The following MAGI1 variants were observed in gnomAD, a reference collection of about 807,000 sequenced individuals.
MAGI1 encodes the protein membrane-associated guanylate kinase, WW and PDZ domain-containing protein 1.
MAGI1 carries 58 observed loss-of-function variants against 139.9 expected under a neutral mutation model. That is an observed-to-expected ratio of 0.41 (90% CI 0.34 to 0.52). The LOEUF (loss-of-function observed/expected upper bound fraction) is 0.52. MAGI1 is among the 20% of genes least tolerant of loss of function. MAGI1 has a pLI of 0.12. For synonymous variants in MAGI1, 812 were observed against 737.9 expected (o/e 1.10, Z -1.63); for missense variants, 1,874 against 1,901.6 (o/e 0.99, Z 0.27).
chr3:65,577,462 C>T (rs1276861898), intron 2 of MAGI1, among the ~76,000 whole-genome samples: 1 of 152,126 alleles, frequency 6.6e-6, no homozygotes, highest in African/African-American at 2.4e-5. Context: ...AAAAATATTA[C>T]ATTAAAATAT....
At chr3:65,544,773 C>A (rs1255327048) in intron 2 of MAGI1, among the ~76,000 whole-genome samples, 1 of 151,976 alleles carries the variant, frequency 6.6e-6, no homozygotes, top group African/African-American at 2.4e-5. Context: ...GGCCAGTTCC[C>A]GAATAGCAAA....
At chr3:65,757,279 T>A (rs2036636918) in intron 1 of MAGI1, among the ~76,000 whole-genome samples, 1 of 152,168 alleles carries the variant, frequency 6.6e-6, no homozygotes, top group Non-Finnish European at 1.5e-5. Context: ...GAAAAGAGGT[T>A]TTCTGAAATT....
chr3:65,556,633 G>C (rs2080097174), intron 2 of MAGI1, among the ~76,000 whole-genome samples: 1 of 152,040 alleles, frequency 6.6e-6, no homozygotes, highest in African/African-American at 2.4e-5. Flanking sequence ...AATTTCTCCT[G>C]CCAATATTCT....
At chr3:65,731,659 A>T (rs1344688631) in intron 1 of MAGI1, among the ~76,000 whole-genome samples, 2 of 120,264 alleles carry the variant, frequency 1.7e-5, no homozygotes, top group African/African-American at 7.2e-5. Context: ...TGTCTCAAAA[A>T]ATTTAAAAAA....
At position 65,478,732 on chromosome 3, in the gene MAGI1, G is replaced by T. The variant is rs747901875; in HGVS notation, c.617C>A (p.Ala206Asp). Reference sequence around the variant, plus strand: ...AGAGCCAGACTGAAGGCTGTGCAAGGCATCCGTCGTGATCACTTTCCCACT... The same window carrying T: ...AGAGCCAGACTGAAGGCTGTGCAAGTCATCCGTCGTGATCACTTTCCCACT... ...PVSGKVITTD[A>D]LHSLQSGSKQ... is the part of the protein sequence containing the mutation. Residue 206 changes from alanine (A) to aspartate (D), a missense_variant, in exon 4 of 23, where the codon GCC becomes GAC. By Grantham distance (126) the Ala-to-Asp change is moderately radical. This residue lies in a region of MAGI1 where 648 missense variants were observed against 598.1 expected (regional missense o/e 1.08). Coordinates refer to ENST00000402939, the MANE Select transcript of MAGI1 (RefSeq NM_001033057.2). 1 of 1,614,094 alleles carries T rather than the reference G, an allele frequency of 6.2e-7. No individual in the cohort carries two copies. The highest frequency in any genetic ancestry group is 8.5e-7 in the Non-Finnish European group (1 of 1,180,008).
intron 1 of MAGI1, among the ~76,000 whole-genome samples, chr3:65,702,512 T>A (rs909475538): frequency 6.6e-6 from 1 of 152,122 alleles, no homozygotes; most frequent in African/African-American, 2.4e-5. Context: ...TATTAACTAG[T>A]CTTGCTAGCC....
chr3:65,394,344 AC>A (rs1944212587), intron 13 of MAGI1, among the ~76,000 whole-genome samples: 1 of 152,206 alleles, frequency 6.6e-6, no homozygotes, highest in Non-Finnish European at 1.5e-5. Flanking sequence ...TCTCGGTCAA[AC>A]TGCACCTCTG....
At chr3:65,845,608 C>A (rs2058965259) in intron 1 of MAGI1, among the ~76,000 whole-genome samples, 1 of 152,140 alleles carries the variant, frequency 6.6e-6, no homozygotes, top group African/African-American at 2.4e-5. Context: ...GGTCCAAACA[C>A]CTCAACATAT....
At chr3:65,913,410 G>A (rs184863264) in intron 1 of MAGI1, among the ~76,000 whole-genome samples, 1 of 152,118 alleles carries the variant, frequency 6.6e-6, no homozygotes, top group African/African-American at 2.4e-5. Context: ...CCAAAACATG[G>A]TTCAATGCTT....
intron 1 of MAGI1, among the ~76,000 whole-genome samples, chr3:66,001,990 C>CCAGTGGTT (rs1433135603): frequency 5.3e-5 from 8 of 152,264 alleles, no homozygotes; most frequent in Admixed American, 3.9e-4. Context: ...AACCACTTCC[C>CCAGTGGTT]GCCTCAAGTC....
chr3:65,450,053 G>A (rs1164483722), intron 6 of MAGI1, among the ~76,000 whole-genome samples: 1 of 152,160 alleles, frequency 6.6e-6, no homozygotes, highest in African/African-American at 2.4e-5. Flanking sequence ...AAATATAAGA[G>A]TATAGTGAAA....
intron 1 of MAGI1, among the ~76,000 whole-genome samples, chr3:65,783,803 C>CAAAAAAAAA (rs71102879): frequency 1.5e-5 from 2 of 129,788 alleles, no homozygotes; most frequent in Non-Finnish European, 3.2e-5. Context: ...CAGCCTGTAC[C>CAAAAAAAAA]AAAAAAAAAA....
chr3:65,879,234 G>T (rs1011130411), intron 1 of MAGI1, among the ~76,000 whole-genome samples: 1 of 152,036 alleles, frequency 6.6e-6, no homozygotes, highest in Non-Finnish European at 1.5e-5. Context: ...GAAGCGGAGA[G>T]CAAAGAGAAG....
intron 1 of MAGI1, among the ~76,000 whole-genome samples, chr3:65,690,265 C>A (rs922285666): frequency 4.6e-5 from 7 of 151,954 alleles, no homozygotes; most frequent in Admixed American, 6.6e-5. Flanking sequence ...AGAGAAAAAC[C>A]AAGGGACAGA....
chr3:65,359,224 C>A (rs1203403509), intron 22 of MAGI1: 5 of 1,595,662 alleles, frequency 3.1e-6, no homozygotes, highest in Non-Finnish European at 4.3e-6. Flanking sequence ...AAAAGTTGAA[C>A]ATTTAGATTC....
intron 1 of MAGI1, chr3:65,914,213 G>A (rs767173028): frequency 3.9e-5 from 6 of 152,238 alleles, no homozygotes; most frequent in African/African-American, 9.6e-5. Flanking sequence ...GCATAAACCC[G>A]GCGGGGACTT....
At chr3:65,478,464 C>A in intron 4 of MAGI1, 128 bp downstream of exon 4, 2 of 824,282 alleles carry the variant, frequency 2.4e-6, no homozygotes, top group Non-Finnish European at 4.1e-6. Context: ...ACTGTGTGGT[C>A]CAAGTTTGAA....
intron 12 of MAGI1, among the ~76,000 whole-genome samples, chr3:65,403,657 T>C (rs1230202922): frequency 6.6e-6 from 1 of 152,202 alleles, no homozygotes; most frequent in Non-Finnish European, 1.5e-5. Flanking sequence ...ATGACCTACA[T>C]GAAAATTTGG....
chr3:65,657,433 CA>C (rs34377694), intron 1 of MAGI1, among the ~76,000 whole-genome samples: 13,833 of 134,808 alleles, frequency 0.1, 670 homozygotes, highest in Middle Eastern at 0.18. Flanking sequence ...CCATCTCTAT[CA>C]AAAAAAAAAA....
Sources: gnomAD v4.1 joint callset for allele counts (sites outside exome capture counted in the v4.1 genomes callset) on GRCh38, gnomAD v4.1.1 for gene constraint, gnomAD v4.1.1 regional missense constraint, MANE v1.5 for transcripts, NCBI Gene and HGNC (gene_info 2026-07-23, HGNC 2026-07-21) for gene names.